The following RIMS2 variants were observed in gnomAD, a reference collection of about 807,000 sequenced individuals.
RIMS2 encodes the protein regulating synaptic membrane exocytosis 2, also known as regulating synaptic membrane exocytosis protein 2.
A neutral mutation model predicts 174.4 loss-of-function variants in RIMS2; 59 were observed. That is an observed-to-expected ratio of 0.34 (90% CI 0.27 to 0.42). The LOEUF (loss-of-function observed/expected upper bound fraction) is 0.42, where lower values mean the gene tolerates loss of function less well. RIMS2 is among the 10% of genes least tolerant of loss of function. The pLI is 1.00. For synonymous variants in RIMS2, 606 were observed against 572.5 expected (o/e 1.06, Z -0.84); for missense variants, 1,620 against 1,666.3 (o/e 0.97, Z 0.48).
chr8:103,943,054 G>T, intron 14 of RIMS2, 128 bp downstream of exon 16: 1 of 672,132 alleles, frequency 1.5e-6, no homozygotes. Flanking sequence ...CCATAGCTAT[G>T]AATTGTTTGA....
At chr8:103,958,861 G>T (rs886249422) in intron 14 of RIMS2, among the ~76,000 whole-genome samples, 2 of 152,168 alleles carry the variant, frequency 1.3e-5, no homozygotes, top group African/African-American at 4.8e-5. Context: ...ACCACGAAGA[G>T]GAGCTAGTGA....
intron 13 of RIMS2, among the ~76,000 whole-genome samples, chr8:103,941,472 G>C (rs895454271): frequency 9.3e-5 from 12 of 128,784 alleles, no homozygotes; most frequent in Admixed American, 1.5e-4. Flanking sequence ...GGGTGACATA[G>C]CAAGACCCTG....
At chr8:103,871,640 T>C (rs2099112487) in intron 3 of RIMS2, among the ~76,000 whole-genome samples, 1 of 152,188 alleles carries the variant, frequency 6.6e-6, no homozygotes, top group Admixed American at 6.5e-5. Context: ...TTTTTTTTAA[T>C]GCTCTGACGT....
intron 1 of RIMS2, among the ~76,000 whole-genome samples, chr8:103,503,355 A>G (rs1049212478): frequency 7.9e-5 from 12 of 151,986 alleles, no homozygotes; most frequent in African/African-American, 2.9e-4. Context: ...TAATGGAATT[A>G]TAGTAATGAG....
At chr8:103,702,265 A>G (rs1418691588) in intron 2 of RIMS2, among the ~76,000 whole-genome samples, 2 of 152,026 alleles carry the variant, frequency 1.3e-5, no homozygotes, top group African/African-American at 4.8e-5. Flanking sequence ...TCTTTTGTCC[A>G]TTTTTAAATC....
At chr8:104,221,003 A>G (rs1022314579) in intron 19 of RIMS2, among the ~76,000 whole-genome samples, 9 of 152,110 alleles carry the variant, frequency 5.9e-5, no homozygotes, top group African/African-American at 1.7e-4. Context: ...AAGTACTCAA[A>G]TTTTTCTAAC....
intron 19 of RIMS2, among the ~76,000 whole-genome samples, chr8:104,190,370 C>A (rs1219960283): frequency 7.6e-6 from 1 of 131,994 alleles, no homozygotes. Flanking sequence ...AGGAGCGGAT[C>A]CTTAATCCAT....
intron 19 of RIMS2, among the ~76,000 whole-genome samples, chr8:104,204,952 T>G (rs1165816400): frequency 6.6e-6 from 1 of 152,132 alleles, no homozygotes; most frequent in Non-Finnish European, 1.5e-5. Context: ...AAACCTAAGA[T>G]TACCAATACT....
intron 19 of RIMS2, among the ~76,000 whole-genome samples, chr8:104,048,849 A>G (rs1194168173): frequency 6.6e-6 from 1 of 152,128 alleles, no homozygotes; most frequent in Non-Finnish European, 1.5e-5. Context: ...CACAACTCAA[A>G]TTATGCCGAG....
chr8:103,835,937 G>T (rs146534934), intron 3 of RIMS2, among the ~76,000 whole-genome samples: 2 of 152,274 alleles, frequency 1.3e-5, no homozygotes, highest in African/African-American at 2.4e-5. Context: ...AGCAAGATGT[G>T]CAAGGCTTTC....
intron 14 of RIMS2, among the ~76,000 whole-genome samples, chr8:103,953,159 C>A (rs577877679): frequency 7.2e-5 from 11 of 152,304 alleles, no homozygotes; most frequent in African/African-American, 2.6e-4. Flanking sequence ...GAGAACAGAA[C>A]CAAGTTGGAA....
chr8:103,980,765 A>G (rs1596313964), intron 16 of RIMS2, among the ~76,000 whole-genome samples: 1 of 152,192 alleles, frequency 6.6e-6, no homozygotes, highest in Admixed American at 6.5e-5. Context: ...TTGGGCTTTC[A>G]GTGAACATTG....
chr8:103,579,308 C>T (rs1008010479), intron 1 of RIMS2, among the ~76,000 whole-genome samples: 2 of 151,548 alleles, frequency 1.3e-5, no homozygotes, highest in South Asian at 2.1e-4. Flanking sequence ...CACACACACA[C>T]GAAATGCCAA....
At chr8:103,771,771 T>A (rs1267802067) in intron 3 of RIMS2, among the ~76,000 whole-genome samples, 1 of 152,126 alleles carries the variant, frequency 6.6e-6, no homozygotes, top group African/African-American at 2.4e-5. Flanking sequence ...ATTTTTTTCC[T>A]CCCATAACTG....
intron 19 of RIMS2, among the ~76,000 whole-genome samples, chr8:104,217,128 A>G (rs757164006): frequency 6.6e-6 from 1 of 152,070 alleles, no homozygotes. Flanking sequence ...CCTGAGTTAA[A>G]TCTTACCATT....
chr8:103,965,403 G>A (rs1352465357), intron 15 of RIMS2, among the ~76,000 whole-genome samples: 1 of 152,008 alleles, frequency 6.6e-6, no homozygotes, highest in Non-Finnish European at 1.5e-5. Flanking sequence ...GTTGGGAATT[G>A]CTAATGTAAA....
chr8:103,835,529 T>G (rs1321972675), intron 3 of RIMS2, among the ~76,000 whole-genome samples: 1 of 152,246 alleles, frequency 6.6e-6, no homozygotes, highest in Non-Finnish European at 1.5e-5. Context: ...ATCTTTTGTC[T>G]TTTTGTTATT....
At chr8:104,045,808 G>C (rs531207187) in intron 19 of RIMS2, among the ~76,000 whole-genome samples, 4 of 151,924 alleles carry the variant, frequency 2.6e-5, no homozygotes, top group African/African-American at 9.6e-5. Flanking sequence ...TGATCCATTT[G>C]TCTTCCAGAT....
At position 103,669,125 on chromosome 8, in the gene RIMS2, G is replaced by A. The variant is rs141673964; in HGVS notation, c.177-27961G>A. ...TGGCTGGGGAGGCCTCACAATCATG[G>A]TGGGAGGCAAAAGGCACATCTTACA... On this transcript the variant is annotated intron_variant, in intron 1 of 23. Coordinates refer to ENST00000504942, the Ensembl canonical transcript of RIMS2. Among the ~76,000 whole-genome samples, 532 of 152,270 alleles carry A rather than the reference G, an allele frequency of 3.5e-3. 1 individual carries two copies. Among genetic ancestry groups the A allele is most frequent in the Non-Finnish European group, 5.3e-3 (363 of 68,020 alleles).
Sources: gnomAD v4.1 joint callset for allele counts (sites outside exome capture counted in the v4.1 genomes callset) on GRCh38, gnomAD v4.1.1 for gene constraint, MANE v1.5 for transcripts, NCBI Gene and HGNC (gene_info 2026-07-23, HGNC 2026-07-21) for gene names.